The following RBPMS variants were observed in gnomAD, a reference collection of about 807,000 sequenced individuals.
The protein encoded by RBPMS is RNA-binding protein with multiple splicing.
RBPMS carries 7 observed loss-of-function variants against 26.8 expected under a neutral mutation model. That is an observed-to-expected ratio of 0.26 (90% CI 0.15 to 0.49). The LOEUF is 0.49. Ranked by LOEUF, RBPMS falls within the 20% of genes least tolerant of loss-of-function variation. The pLI, the probability that RBPMS is intolerant of heterozygous loss-of-function variation, is 0.98. For synonymous variants in RBPMS, 96 were observed against 93.3 expected (o/e 1.03, Z -0.17); for missense variants, 186 against 250.0 (o/e 0.74, Z 1.73).
At chr8:30,501,534 G>A (rs1820557904) in intron 4 of RBPMS, among the ~76,000 whole-genome samples, 1 of 152,138 alleles carries the variant, frequency 6.6e-6, no homozygotes, top group South Asian at 2.1e-4. Flanking sequence ...ACCTGCATTT[G>A]TAGAGACTGT....
intron 6 of RBPMS, chr8:30,545,284 A>G (rs891508083): frequency 5.8e-6 from 7 of 1,203,554 alleles, no homozygotes; most frequent in African/African-American, 4.8e-5. Context: ...TTTATAAACA[A>G]ACTTCCTGTT....
At chr8:30,426,415 CTG>C (rs1811353276) in intron 1 of RBPMS, among the ~76,000 whole-genome samples, 1 of 152,172 alleles carries the variant, frequency 6.6e-6, no homozygotes, top group Non-Finnish European at 1.5e-5. Context: ...ACTGTTTTCA[CTG>C]TTTAGACGGG....
chr8:30,485,446 A>G (rs1818677908), intron 4 of RBPMS, among the ~76,000 whole-genome samples: 1 of 152,216 alleles, frequency 6.6e-6, no homozygotes, highest in African/African-American at 2.4e-5. Flanking sequence ...TGGGACTTTT[A>G]GATGGGAAAT....
At chr8:30,521,706 C>G (rs1242563430) in intron 5 of RBPMS, among the ~76,000 whole-genome samples, 3 of 140,058 alleles carry the variant, frequency 2.1e-5, no homozygotes, top group Admixed American at 7.8e-5. Context: ...CCTCTACCCC[C>G]CTTTTTTTAG....
At chr8:30,523,895 G>GA (rs1488014853) in intron 5 of RBPMS, among the ~76,000 whole-genome samples, 1 of 151,954 alleles carries the variant, frequency 6.6e-6, no homozygotes, top group Non-Finnish European at 1.5e-5. Context: ...TTTTGTTATG[G>GA]AAAATTTCAA....
Position 30,566,246 on chromosome 8 carries a change from C to A in RBPMS, c.*8-11C>A. 1 of 985,910 alleles carries A rather than the reference C, an allele frequency of 1.0e-6. No individual in the cohort carries two copies. 61.1% of individuals were successfully genotyped at this position (985,910 alleles called of 1,614,324 possible). A position where few individuals can be genotyped will look rare whatever the true frequency, so the allele number is the denominator to read the frequency against. On this transcript the variant is annotated splice_polypyrimidine_tract_variant and intron_variant, in intron 7 of 8. Transcript: ENST00000397323. ...TGTGCACCGTTAACGGGTGATCTTT[C>A]TCCATCCCAGGTCCCAGGTGTGTGA... is the stretch of plus-strand genomic sequence containing the variant.
chr8:30,473,854 C>T (rs1337028661), intron 1 of RBPMS, among the ~76,000 whole-genome samples: 1 of 152,118 alleles, frequency 6.6e-6, no homozygotes. Context: ...GAAAACCAGA[C>T]ACCACATGTT....
At chr8:30,458,825 C>T (rs1287043601) in intron 1 of RBPMS, among the ~76,000 whole-genome samples, 2 of 152,182 alleles carry the variant, frequency 1.3e-5, no homozygotes, top group Non-Finnish European at 2.9e-5. Flanking sequence ...GATCCTCCTG[C>T]CTCAGTCTCC....
At chr8:30,453,917 A>G (rs1228828431) in intron 1 of RBPMS, 2 of 152,200 alleles carry the variant, frequency 1.3e-5, no homozygotes, top group African/African-American at 4.8e-5. Flanking sequence ...TGTATTGCTT[A>G]TTAAAAATTC....
intron 7 of RBPMS, chr8:30,565,742 C>G (rs534816393): frequency 1.3e-5 from 2 of 152,398 alleles, no homozygotes; most frequent in South Asian, 4.1e-4. Flanking sequence ...CTGTGACAGA[C>G]AGGGATTTCC....
At chr8:30,556,307 C>T (rs1175781950) in intron 6 of RBPMS, 14 of 985,554 alleles carry the variant, frequency 1.4e-5, no homozygotes, top group African/African-American at 1.7e-5. Context: ...CTCTGGAGTG[C>T]GCCTCGACCA....
chr8:30,531,555 C>T (rs888412619), intron 5 of RBPMS, among the ~76,000 whole-genome samples: 1 of 152,190 alleles, frequency 6.6e-6, no homozygotes, highest in African/African-American at 2.4e-5. Flanking sequence ...TTTGGTATTT[C>T]AGTGCTTCTA....
In RBPMS at chr8:30,493,494, T is replaced by C. The variant is rs181367181; in HGVS notation, c.247-10792T>C. 1.9e-3 allele frequency among the ~76,000 whole-genome samples: 287 copies of C among 152,124 alleles called. 2 individuals are homozygous for C. Among genetic ancestry groups the C allele is most frequent in the African/African-American group, 6.2e-3 (259 of 41,496 alleles). ...GGATTCTAAGGGATGTTTTTATGCC[T>C]ACCAGAGCAGTTGACCTGCTGCTTT... is the stretch of plus-strand genomic sequence containing the variant. On this transcript the variant is annotated intron_variant, in intron 4 of 8. Coordinates refer to ENST00000397323, the MANE Select transcript of RBPMS (RefSeq NM_001008710.3).
chr8:30,558,664 CT>C, intron 6 of RBPMS: 1 of 608,400 alleles, frequency 1.6e-6, no homozygotes, highest in East Asian at 2.8e-5. Context: ...GAGGTGGGTG[CT>C]TTCCTCAGAG....
At chr8:30,550,788 G>C (rs984304171) in intron 6 of RBPMS, among the ~76,000 whole-genome samples, 6 of 152,182 alleles carry the variant, frequency 3.9e-5, no homozygotes, top group African/African-American at 1.4e-4. Context: ...CACGGCCACC[G>C]GAACCCCCTT....
chr8:30,567,814 C>A (rs1050493753), intron 8 of RBPMS, among the ~76,000 whole-genome samples: 1 of 152,182 alleles, frequency 6.6e-6, no homozygotes, highest in Non-Finnish European at 1.5e-5. Flanking sequence ...CCTGAGAGAG[C>A]GGCAGCAGCC....
chr8:30,513,961 T>A (rs908551736), intron 5 of RBPMS, among the ~76,000 whole-genome samples: 7 of 152,214 alleles, frequency 4.6e-5, no homozygotes, highest in Non-Finnish European at 1.5e-5. Flanking sequence ...TGAGATTCCT[T>A]AAGGGAGTAC....
At chr8:30,532,687 C>T (rs1824361517) in intron 5 of RBPMS, among the ~76,000 whole-genome samples, 1 of 152,094 alleles carries the variant, frequency 6.6e-6, no homozygotes, top group Admixed American at 6.5e-5. Flanking sequence ...AATACTGATA[C>T]GAGGAAGTCA....
chr8:30,454,883 G>A (rs1272647848), intron 1 of RBPMS, among the ~76,000 whole-genome samples: 1 of 152,148 alleles, frequency 6.6e-6, no homozygotes, highest in African/African-American at 2.4e-5. Flanking sequence ...GAGTGCAGTG[G>A]CATGATCTTG....
Sources: allele counts gnomAD v4.1 joint callset (sites outside exome capture counted in the v4.1 genomes callset), GRCh38; gene constraint gnomAD v4.1.1; transcripts MANE v1.5; gene names NCBI Gene and HGNC (gene_info 2026-07-23, HGNC 2026-07-21).